FAM107A: variants seen among roughly 807,000 people sequenced by gnomAD.
FAM107A encodes family with sequence similarity 107 member A, also known as actin-associated protein FAM107A.
A neutral mutation model predicts 13.7 loss-of-function variants in FAM107A; 19 were observed. The ratio of observed to expected loss-of-function variants is 1.38; its 90% CI spans 0.97 to 2.03. The LOEUF is 2.03. FAM107A is among the 30% of genes most tolerant of loss of function. The pLI is 0.00. For synonymous variants in FAM107A, 82 were observed against 74.5 expected (o/e 1.10, Z -0.52); for missense variants, 203 against 184.4 (o/e 1.10, Z -0.58).
Position 58,616,564 on chromosome 3 carries a change from C to CACACACACAT in FAM107A, c.-70+10851_-70+10852insATGTGTGTGT, listed in dbSNP as rs1553631039. On this transcript the variant is annotated intron_variant, in intron 1 of 3. Coordinates refer to the FAM107A transcript ENST00000465970. ...ACACACACACACACACACACACACACACACCACCACTACCACCACCACCAC... is the reference window on the plus strand; with the variant it reads ...ACACACACACACACACACACACACACACACACACATACACCACCACTACCACCACCACCAC... Among the ~76,000 whole-genome samples the CACACACACAT allele has an allele frequency of 2.7e-5, 4 of 149,772 alleles. No individual in the cohort carries two copies. The East Asian group carries it at 7.9e-4, about 30-fold the overall frequency.
At position 58,569,908 on chromosome 3, in the gene FAM107A, A is replaced by C. The variant is rs2063664814; in HGVS notation, c.-5-43T>G. ...GGAGTAGCTCAGAGCTGAGCCTATA[A>C]TCTCACCCTGCCCCATGGGACACAG... On this transcript the variant is annotated intron_variant, in intron 1 of 3. Transcript: ENST00000360997. This position sits in a 1 kb window ranked among gnomAD's most constrained non-coding sequence, Gnocchi z 5.7. 1.3e-6 allele frequency: 2 copies of C among 1,580,326 alleles called. No individual in the cohort carries two copies. Among genetic ancestry groups the C allele is most frequent in the Admixed American group, 3.6e-5 (2 of 55,848 alleles).
At position 58,564,800 on chromosome 3, in the gene FAM107A, G is replaced by A. The variant is rs1388786253; in HGVS notation, c.*1788C>T. The A allele has an allele frequency of 6.6e-6, 1 of 152,258 alleles. No individual in the cohort carries two copies. The highest frequency in any genetic ancestry group is 1.9e-4 in the East Asian group (1 of 5,198). The allele number at this position is 152,258 out of a possible 1,614,324, so 9.4% of individuals were successfully genotyped here. On this transcript the variant is annotated 3_prime_UTR_variant, in exon 4 of 4. Transcript: ENST00000360997. This position sits in a 1 kb window ranked among gnomAD's most constrained non-coding sequence, Gnocchi z 5.6. ...ACCCTCACCTGGCAGACATTAAACA[G>A]CGTAAACACATTCTCAGCACGCCAG...
upstream of FAM107A, among the ~76,000 whole-genome samples, chr3:58,577,998 C>T (rs77913473): frequency 5.5e-3 from 842 of 151,954 alleles, 6 homozygotes; most frequent in African/African-American, 0.019. This position sits in a 1 kb window ranked among gnomAD's most constrained non-coding sequence, Gnocchi z 4.9. Context: ...CATGTGTTGG[C>T]CCTGGCTCCA....
At chr3:58,609,939 T>C (rs908996367) in intron 1 of FAM107A, among the ~76,000 whole-genome samples, 2 of 152,216 alleles carry the variant, frequency 1.3e-5, no homozygotes, top group Non-Finnish European at 2.9e-5. Flanking sequence ...ATATGTAAAG[T>C]GCTTAGAATG....
upstream of FAM107A, among the ~76,000 whole-genome samples, chr3:58,588,263 G>A (rs143496839): frequency 3.4e-3 from 513 of 152,330 alleles, 3 homozygotes; most frequent in African/African-American, 0.012. Context: ...AAGAGCCAGG[G>A]AATCTTGAGC....
At chr3:58,615,898 C>CAAAAAAA (rs11311985) in intron 1 of FAM107A, among the ~76,000 whole-genome samples, 2 of 74,726 alleles carry the variant, frequency 2.7e-5, no homozygotes, top group South Asian at 6.5e-4. Flanking sequence ...GACCCTGTCT[C>CAAAAAAA]AAAAAAAAAA....
chr3:58,625,193 G>C (rs956348713), intron 1 of FAM107A, among the ~76,000 whole-genome samples: 2 of 152,166 alleles, frequency 1.3e-5, no homozygotes, highest in Non-Finnish European at 2.9e-5. Flanking sequence ...AGACCCCAGA[G>C]AAATCTTGAA....
At chr3:58,612,052 T>C (rs2065859600) in intron 1 of FAM107A, among the ~76,000 whole-genome samples, 1 of 152,148 alleles carries the variant, frequency 6.6e-6, no homozygotes, top group Non-Finnish European at 1.5e-5. Flanking sequence ...ATGTTCTCTC[T>C]CTCTTTGGAA....
At chr3:58,624,343 A>T (rs2065988975) in intron 1 of FAM107A, among the ~76,000 whole-genome samples, 1 of 152,236 alleles carries the variant, frequency 6.6e-6, no homozygotes, top group Non-Finnish European at 1.5e-5. Flanking sequence ...CAGATTTAAA[A>T]AAATGCCAAG....
intron 1 of FAM107A, among the ~76,000 whole-genome samples, chr3:58,618,814 G>C (rs2065927503): frequency 6.6e-6 from 1 of 151,504 alleles, no homozygotes; most frequent in African/African-American, 2.4e-5. Context: ...GTGAAGTCAG[G>C]GGGACAGGTT....
chr3:58,570,280 G>T (rs1003862022), intron 1 of FAM107A: 3 of 591,582 alleles, frequency 5.1e-6, no homozygotes, highest in African/African-American at 4.0e-5. Flanking sequence ...ACATGTACTT[G>T]TTAAAAACAA....
At chr3:58,616,568 C>CACA (rs779144137) in intron 1 of FAM107A, among the ~76,000 whole-genome samples, 6 of 137,104 alleles carry the variant, frequency 4.4e-5, no homozygotes, top group Non-Finnish European at 9.6e-5. Context: ...CACACACACA[C>CACA]CACCACTACC....
intron 1 of FAM107A, among the ~76,000 whole-genome samples, chr3:58,625,299 A>G (rs1331870394): frequency 6.6e-6 from 1 of 152,142 alleles, no homozygotes; most frequent in Non-Finnish European, 1.5e-5. Flanking sequence ...CCTAAGAGCT[A>G]AACAGAAACA....
chr3:58,570,192 C>T (rs2063667523), intron 1 of FAM107A: 1 of 261,552 alleles, frequency 3.8e-6, no homozygotes, highest in African/African-American at 2.3e-5. Flanking sequence ...TTTTCGCCCA[C>T]TATAAAAGGA....
At chr3:58,595,943 C>A (rs1262026252) in intron 1 of FAM107A, among the ~76,000 whole-genome samples, 1 of 152,204 alleles carries the variant, frequency 6.6e-6, no homozygotes, top group Non-Finnish European at 1.5e-5. Context: ...GGCCAACTGT[C>A]ATTTGTTCTC....
chr3:58,615,210 C>T (rs551529039), intron 1 of FAM107A, among the ~76,000 whole-genome samples: 7 of 152,362 alleles, frequency 4.6e-5, no homozygotes, highest in Admixed American at 2.0e-4. Context: ...TGGCCATCTT[C>T]AATATCATGT....
At chr3:58,570,754 G>A (rs1275106813) in intron 1 of FAM107A, among the ~76,000 whole-genome samples, 3 of 152,228 alleles carry the variant, frequency 2.0e-5, no homozygotes, top group African/African-American at 4.8e-5. Context: ...CATGAGTCTA[G>A]CTTTGCAGAG....
chr3:58,590,007 T>A (rs1309172975), upstream of FAM107A, among the ~76,000 whole-genome samples: 1 of 152,222 alleles, frequency 6.6e-6, no homozygotes, highest in Non-Finnish European at 1.5e-5. Context: ...TAGGGCCAGT[T>A]CTTGGACATC....
At chr3:58,597,177 G>T (rs1342603041) in intron 1 of FAM107A, among the ~76,000 whole-genome samples, 4 of 152,126 alleles carry the variant, frequency 2.6e-5, no homozygotes, top group African/African-American at 9.7e-5. Context: ...TGAATTTTTG[G>T]GTCAAAATGA....
Sources: allele counts gnomAD v4.1 joint callset (sites outside exome capture counted in the v4.1 genomes callset), GRCh38; gene constraint gnomAD v4.1.1; non-coding constraint Gnocchi (gnomAD v3.1); transcripts MANE v1.5; gene names NCBI Gene and HGNC (gene_info 2026-07-23, HGNC 2026-07-21).